TMEM272: variants seen among roughly 807,000 people sequenced by gnomAD.
The protein encoded by TMEM272 is transmembrane protein 272.
A neutral mutation model predicts 3.7 loss-of-function variants in TMEM272; 8 were observed. That is an observed-to-expected ratio of 2.17 (90% CI 1.27 to 3.91). TMEM272 has a LOEUF of 3.91. TMEM272 is among the 30% of genes most tolerant of loss of function. The probability of loss-of-function intolerance (pLI) is 0.00; values close to 1 mark genes in which losing one functional copy is unlikely to be tolerated. For synonymous variants in TMEM272, 63 were observed against 39.8 expected (o/e 1.58, Z -2.20); for missense variants, 166 against 91.5 (o/e 1.81, Z -3.32).
the TMEM272 span, among the ~76,000 whole-genome samples, chr13:51,857,103 T>C: frequency 6.6e-6 from 1 of 152,154 alleles, no homozygotes; most frequent in Admixed American, 6.5e-5. Context: ...TTAAAATTCA[T>C]TTCTTATCTA....
chr13:51,932,096 A>G, the TMEM272 span, among the ~76,000 whole-genome samples: 1 of 152,140 alleles, frequency 6.6e-6, no homozygotes, highest in Non-Finnish European at 1.5e-5. Context: ...TTGTCCTGGC[A>G]TAACTATTCA....
the TMEM272 span, among the ~76,000 whole-genome samples, chr13:51,866,462 G>A: frequency 6.9e-3 from 1,046 of 152,316 alleles, 10 homozygotes; most frequent in African/African-American, 0.024. Flanking sequence ...CTGAGATGCC[G>A]CTGTCTCCGC....
At chr13:51,871,448 G>A in the TMEM272 span, among the ~76,000 whole-genome samples, 3 of 152,184 alleles carry the variant, frequency 2.0e-5, no homozygotes, top group East Asian at 5.8e-4. Flanking sequence ...AAGACACTGT[G>A]GCTTCTGCCT....
chr13:51,905,213 A>G, the TMEM272 span, among the ~76,000 whole-genome samples: 1 of 152,152 alleles, frequency 6.6e-6, no homozygotes, highest in Non-Finnish European at 1.5e-5. Flanking sequence ...AGGGAGAGAG[A>G]CTGTCCTCCC....
At chr13:51,864,715 G>T in the TMEM272 span, among the ~76,000 whole-genome samples, 1 of 152,178 alleles carries the variant, frequency 6.6e-6, no homozygotes, top group South Asian at 2.1e-4. Flanking sequence ...TTATACCTGG[G>T]ACTGGAGCTG....
chr13:51,908,753 T>C, the TMEM272 span: 2 of 1,463,178 alleles, frequency 1.4e-6, no homozygotes, highest in Non-Finnish European at 1.9e-6. Flanking sequence ...TAGAATAAAA[T>C]CTGTCTTGCC....
chr13:51,863,285 G>T, the TMEM272 span, among the ~76,000 whole-genome samples: 14,602 of 152,156 alleles, frequency 0.096, 1,928 homozygotes, highest in African/African-American at 0.3. Flanking sequence ...TTCCTAGGGC[G>T]TTCAGCTTTG....
intron 1 of TMEM272, among the ~76,000 whole-genome samples, chr13:51,843,399 C>T (rs988316085): frequency 2.6e-5 from 4 of 152,162 alleles, no homozygotes; most frequent in East Asian, 1.9e-4. Context: ...AAAAACTGCA[C>T]GTTCCTTGGA....
chr13:51,908,767 G>A, the TMEM272 span: 6 of 1,454,918 alleles, frequency 4.1e-6, no homozygotes, highest in South Asian at 6.8e-5. Flanking sequence ...TCTTGCCTTT[G>A]TGGAGGAAGA....
the TMEM272 span, among the ~76,000 whole-genome samples, chr13:51,920,587 A>G: frequency 6.6e-6 from 1 of 152,208 alleles, no homozygotes; most frequent in African/African-American, 2.4e-5. Context: ...CATGTGCACC[A>G]GTGCTGACCC....
chr13:51,838,324 G>A (rs1238171239), intron 2 of TMEM272, 149 bp downstream of exon 2: 13 of 658,162 alleles, frequency 2.0e-5, no homozygotes, highest in African/African-American at 1.2e-4. Context: ...ACCGAGGGCC[G>A]GACACTGTCT....
At chr13:51,909,804 T>C in the TMEM272 span, 1 of 1,588,000 alleles carries the variant, frequency 6.3e-7, no homozygotes, top group Admixed American at 1.7e-5. Context: ...ATCTTTGATC[T>C]TTAGCAAGCG....
upstream of TMEM272, among the ~76,000 whole-genome samples, chr13:51,848,943 T>TA (rs1956319113): frequency 6.6e-6 from 1 of 152,208 alleles, no homozygotes; most frequent in South Asian, 2.1e-4. Context: ...GTCACTCTTC[T>TA]ATTTGAGTCA....
At chr13:51,856,260 T>C in the TMEM272 span, among the ~76,000 whole-genome samples, 7 of 152,220 alleles carry the variant, frequency 4.6e-5, no homozygotes, top group East Asian at 9.7e-4. Context: ...AAAAGACCAA[T>C]CTAGGTTCTA....
At chr13:51,847,001 C>A (rs916175580), upstream of TMEM272, among the ~76,000 whole-genome samples, 2 of 152,304 alleles carry the variant, frequency 1.3e-5, no homozygotes, top group African/African-American at 4.8e-5. Flanking sequence ...AACTTCCAGT[C>A]CTGCAAGCTC....
chr13:51,914,794 C>T, the TMEM272 span, among the ~76,000 whole-genome samples: 47 of 152,340 alleles, frequency 3.1e-4, no homozygotes, highest in Admixed American at 9.8e-4. Flanking sequence ...TTTAACAAGA[C>T]CCTGACTCCA....
chr13:51,838,746 A>T (rs1956236899), intron 1 of TMEM272, among the ~76,000 whole-genome samples, 193 bp from the exon 2 acceptor site: 1 of 152,112 alleles, frequency 6.6e-6, no homozygotes, highest in South Asian at 2.1e-4. Context: ...TATTCCACAA[A>T]TGAGAGAACC....
At chr13:51,832,671 C>A (rs1956182968) in intron 2 of TMEM272, among the ~76,000 whole-genome samples, 1 of 152,208 alleles carries the variant, frequency 6.6e-6, no homozygotes, top group South Asian at 2.1e-4. Context: ...CCACCCACCC[C>A]TCTTCTCCAG....
chr13:51,879,625 G>A, the TMEM272 span, among the ~76,000 whole-genome samples: 41 of 152,310 alleles, frequency 2.7e-4, no homozygotes, highest in African/African-American at 9.1e-4. Context: ...AATGAAAAAC[G>A]TGTCCTTTAC....
Sources: allele counts gnomAD v4.1 joint callset (sites outside exome capture counted in the v4.1 genomes callset), GRCh38; gene constraint gnomAD v4.1.1; transcripts MANE v1.5; gene names NCBI Gene and HGNC (gene_info 2026-07-23, HGNC 2026-07-21).